Variants in ADARB2 observed in about 807,000 individuals in gnomAD.
The protein encoded by ADARB2 is inactive double-stranded RNA-specific editase B2.
ADARB2 carries 25 observed loss-of-function variants against 62.2 expected under a neutral mutation model. The ratio of observed to expected loss-of-function variants is 0.40; its 90% confidence interval spans 0.29 to 0.56. The LOEUF is 0.56. ADARB2 is among the 20% of genes least tolerant of loss of function. The probability of loss-of-function intolerance (pLI) is 0.43; values close to 1 mark genes in which losing one functional copy is unlikely to be tolerated. For missense variants in ADARB2, 1,071 were observed against 1,077.4 expected (o/e 0.99, Z 0.08); for synonymous variants, 572 against 500.8 (o/e 1.14, Z -1.90).
chr10:1,651,056 G>T (rs763431872), intron 1 of ADARB2, among the ~76,000 whole-genome samples: 18 of 152,314 alleles, frequency 1.2e-4, no homozygotes, highest in Middle Eastern at 3.4e-3. Flanking sequence ...CAGATGTTCC[G>T]CTCTCCCCTC....
intron 1 of ADARB2, among the ~76,000 whole-genome samples, chr10:1,434,703 G>C (rs1830815953): frequency 1.3e-5 from 2 of 152,164 alleles, no homozygotes; most frequent in Non-Finnish European, 2.9e-5. Flanking sequence ...GGACCATTTA[G>C]ATGACGTAAA....
chr10:1,483,767 C>G (rs189675928), intron 1 of ADARB2, among the ~76,000 whole-genome samples: 1 of 72,244 alleles, frequency 1.4e-5, no homozygotes, highest in East Asian at 3.9e-4. Context: ...TGTAATACGA[C>G]GTTGTTTAGT....
chr10:1,355,107 C>T (rs1310151900), intron 3 of ADARB2, among the ~76,000 whole-genome samples: 2 of 152,202 alleles, frequency 1.3e-5, no homozygotes, highest in Non-Finnish European at 2.9e-5. Context: ...CCCTGGCTGC[C>T]CACCTCCTCC....
At chr10:1,640,814 G>A (rs1374188530) in intron 1 of ADARB2, among the ~76,000 whole-genome samples, 1 of 152,182 alleles carries the variant, frequency 6.6e-6, no homozygotes, top group Non-Finnish European at 1.5e-5. Flanking sequence ...GTCTCAAAAG[G>A]AGACCAATGG....
intron 1 of ADARB2, among the ~76,000 whole-genome samples, chr10:1,402,988 G>T (rs896210497): frequency 6.6e-6 from 1 of 152,212 alleles, no homozygotes. Context: ...AGGGGCACAG[G>T]ACTCAGCTCA....
intron 1 of ADARB2, among the ~76,000 whole-genome samples, chr10:1,522,647 T>C (rs1832087110): frequency 6.6e-6 from 1 of 152,216 alleles, no homozygotes; most frequent in Non-Finnish European, 1.5e-5. Flanking sequence ...TACAGACACA[T>C]GCCAACCCTA....
intron 1 of ADARB2, among the ~76,000 whole-genome samples, chr10:1,396,127 A>G (rs1200063822): frequency 1.3e-5 from 2 of 152,252 alleles, no homozygotes; most frequent in Non-Finnish European, 2.9e-5. Flanking sequence ...AGAGCAGGTC[A>G]AAGAGTTAAT....
chr10:1,649,978 G>A (rs1279817242), intron 1 of ADARB2, among the ~76,000 whole-genome samples: 1 of 152,230 alleles, frequency 6.6e-6, no homozygotes, highest in Non-Finnish European at 1.5e-5. Context: ...TCCTGCTTCT[G>A]TCACTGGCTG....
chr10:1,541,157 C>T (rs71500121), intron 1 of ADARB2, among the ~76,000 whole-genome samples: 1 of 77,986 alleles, frequency 1.3e-5, no homozygotes. Context: ...CCGTCCAGAC[C>T]CCACTCACAC....
At position 1,300,031 on chromosome 10, in the gene ADARB2, C is replaced by T. The variant is rs113096297; in HGVS notation, c.1078-28962G>A. Reference sequence around the variant, plus strand: ...GGCAGAGGTCCTTTTCCTTGGTTCCCCACCATCCTGGCCGTACCCACCACA... The same window carrying T: ...GGCAGAGGTCCTTTTCCTTGGTTCCTCACCATCCTGGCCGTACCCACCACA... On this transcript the variant is annotated intron_variant, in intron 3 of 9. Transcript: ENST00000381312. 7.5e-3 allele frequency among the ~76,000 whole-genome samples: 1,141 copies of T among 152,276 alleles called. 9 individuals are homozygous for T. The highest frequency in any genetic ancestry group is 0.012 in the Non-Finnish European group (837 of 68,006).
At chr10:1,535,206 C>T (rs1010548777) in intron 1 of ADARB2, among the ~76,000 whole-genome samples, 4 of 152,180 alleles carry the variant, frequency 2.6e-5, no homozygotes, top group African/African-American at 9.7e-5. Context: ...CTGCTCTTTA[C>T]GCCGTCCCCG....
intron 1 of ADARB2, among the ~76,000 whole-genome samples, chr10:1,638,085 G>A (rs541495495): frequency 1.1e-4 from 17 of 152,232 alleles, no homozygotes; most frequent in South Asian, 1.0e-3. Flanking sequence ...AATAATGAAA[G>A]TTCCTTTTCT....
rs372374149 is a variant in ADARB2 at position 1,343,871 on chromosome 10, G to A, written c.1077+19157C>T. Among the ~76,000 whole-genome samples the A allele has an allele frequency of 2.0e-5, 3 of 152,330 alleles. No homozygotes were observed. In the South Asian group the frequency reaches 6.2e-4, roughly 32 times the overall value. On this transcript the variant is annotated intron_variant, in intron 3 of 9. Transcript: ENST00000381312. ...GAGCAACAGATACTGGGAACTACTTGAGGGTGAAGGGTGGGAGGAGGGTGA... is the reference window on the plus strand; with the variant it reads ...GAGCAACAGATACTGGGAACTACTTAAGGGTGAAGGGTGGGAGGAGGGTGA...
intron 1 of ADARB2, among the ~76,000 whole-genome samples, chr10:1,569,016 GAGAGAC>G (rs1202184739): frequency 2.0e-5 from 3 of 152,114 alleles, no homozygotes; most frequent in African/African-American, 7.2e-5. Context: ...GAGAGACACA[GAGAGAC>G]AGAGACAGAG....
intron 1 of ADARB2, among the ~76,000 whole-genome samples, chr10:1,546,758 C>G (rs929985263): frequency 5.9e-5 from 9 of 152,262 alleles, no homozygotes; most frequent in Non-Finnish European, 8.8e-5. Flanking sequence ...GGTCGAAAGG[C>G]TGCAGAACCC....
intron 1 of ADARB2, among the ~76,000 whole-genome samples, chr10:1,442,643 A>C (rs1830920629): frequency 6.6e-6 from 1 of 152,240 alleles, no homozygotes; most frequent in Admixed American, 6.5e-5. Flanking sequence ...CGTACTCTTG[A>C]GAGTGAGACA....
At chr10:1,224,032 G>T (rs1030622381) in intron 6 of ADARB2, among the ~76,000 whole-genome samples, 4 of 152,114 alleles carry the variant, frequency 2.6e-5, no homozygotes, top group African/African-American at 9.7e-5. Flanking sequence ...GGTAGAATTC[G>T]GCTGTGAACC....
chr10:1,423,882 A>G (rs763370526), intron 1 of ADARB2, among the ~76,000 whole-genome samples: 6 of 152,226 alleles, frequency 3.9e-5, no homozygotes, highest in East Asian at 1.9e-4. Context: ...CTATGTATGC[A>G]GTAGGTCCAC....
intron 1 of ADARB2, among the ~76,000 whole-genome samples, chr10:1,713,722 G>A (rs1391244775): frequency 2.6e-5 from 4 of 152,198 alleles, no homozygotes; most frequent in Non-Finnish European, 4.4e-5. Context: ...CTCCATGGGT[G>A]AAGTGCCATG....
Sources: gnomAD v4.1 joint callset for allele counts (sites outside exome capture counted in the v4.1 genomes callset) on GRCh38, gnomAD v4.1.1 for gene constraint, MANE v1.5 for transcripts, NCBI Gene and HGNC (gene_info 2026-07-23, HGNC 2026-07-21) for gene names.